Variants in RDX observed in about 807,000 individuals in gnomAD.
The protein encoded by RDX is deafness, autosomal recessive 24.
In RDX, 32 loss-of-function variants were observed where a neutral mutation model predicts 83.7. The ratio of observed to expected loss-of-function variants is 0.38; its 90% CI spans 0.29 to 0.51. RDX has a LOEUF of 0.51. RDX is among the 20% of genes least tolerant of loss of function. RDX has a pLI of 0.87. For synonymous variants in RDX, 229 were observed against 222.7 expected (o/e 1.03, Z -0.25); for missense variants, 600 against 689.9 (o/e 0.87, Z 1.46).
At chr11:110,244,911 A>C (rs1188450786) in intron 10 of RDX, among the ~76,000 whole-genome samples, 1 of 152,096 alleles carries the variant, frequency 6.6e-6, no homozygotes, top group African/African-American at 2.4e-5. Context: ...CACTTCGTAA[A>C]AATTGAGCCT....
chr11:110,211,176 G>A (rs949124019), intron 14 of RDX, among the ~76,000 whole-genome samples: 5 of 152,236 alleles, frequency 3.3e-5, no homozygotes, highest in Middle Eastern at 6.8e-3. Flanking sequence ...AAAAAAGGCA[G>A]GGGTTGCAAT....
chr11:110,207,049 T>C (rs1863632142), intron 14 of RDX, among the ~76,000 whole-genome samples: 1 of 152,188 alleles, frequency 6.6e-6, no homozygotes, highest in African/African-American at 2.4e-5. Context: ...CTCAGCTCAC[T>C]GTAACCTCCA....
chr11:110,264,795 A>C lies in RDX; in HGVS notation c.176T>G (p.Leu59Arg). ...ATATTTTACCTTTTTATTTAGTTTA[A>C]GCCATGTAGAATAACCTTTGCTGTC... is the stretch of plus-strand genomic sequence containing the variant. The part of the protein sequence containing the change: ...YVDSKGYSTW[L>R]KLNKKVTQQD... Residue 59 changes from leucine to arginine, a missense_variant, in exon 4 of 14, where the codon CTT becomes CGT. Physicochemically the swap from Leu to Arg is moderately radical, Grantham distance 102. Coordinates refer to ENST00000645495, the MANE Select transcript of RDX (RefSeq NM_002906.4). 1 of 1,611,036 alleles carries C rather than the reference A, an allele frequency of 6.2e-7. No homozygotes were observed. The highest frequency in any genetic ancestry group is 8.5e-7 in the Non-Finnish European group (1 of 1,177,436).
chr11:110,255,293 GC>G lies in RDX; in HGVS notation c.790del (p.Ala264HisfsTer11). The G allele has an allele frequency of 6.6e-7, 1 of 1,507,238 alleles. No homozygotes were observed. The highest frequency in any genetic ancestry group is 1.4e-5 in the African/African-American group (1 of 72,710). The allele number at this position is 1,507,238 out of a possible 1,614,324, so 93.4% of individuals were successfully genotyped here. On this transcript the variant is annotated frameshift_variant, in exon 8 of 14. Transcript: ENST00000645495. LOFTEE classifies it high-confidence loss of function. ...KFVIKPIDKK[A>X]PDFVFYAPRL... is the part of the protein sequence containing the mutation. ...AATATTAAAGAAATTACTTACAGGT[GC>G]CTTTTTGTCGATTGGCTTTATAACA...
At chr11:110,291,204 A>T (rs1861227974) in intron 1 of RDX, among the ~76,000 whole-genome samples, 1 of 152,112 alleles carries the variant, frequency 6.6e-6, no homozygotes, top group African/African-American at 2.4e-5. Flanking sequence ...GTGCACATGT[A>T]GTCTTAGCTA....
rs565910134 is a variant in RDX, at chr11:110,193,494, T to A, written c.*31+6087A>T. ...ATGCAATAAATTCATGTAACAAACC[T>A]ACACATGTACACCCTACATCTAAAA... On this transcript the variant is annotated intron_variant, in intron 15 of 15. Coordinates refer to the RDX transcript ENST00000528498. 1.0e-4 allele frequency among the ~76,000 whole-genome samples: 15 copies of A among 150,278 alleles called. No homozygotes were observed. The South Asian group carries it at 3.1e-3, about 31-fold the overall frequency.
At chr11:110,201,602 CATG>C in intron 14 of RDX, among the ~76,000 whole-genome samples, 1 of 152,294 alleles carries the variant, frequency 6.6e-6, no homozygotes, top group Admixed American at 6.5e-5. Context: ...ATAAAAATCA[CATG>C]AGCTGGATAT....
chr11:110,196,461 A>T (rs550051170), intron 15 of RDX, among the ~76,000 whole-genome samples: 2 of 152,250 alleles, frequency 1.3e-5, no homozygotes, highest in Non-Finnish European at 2.9e-5. Context: ...GGAGTCTCAC[A>T]TATAGATTTT....
intron 10 of RDX, among the ~76,000 whole-genome samples, chr11:110,241,972 T>C (rs763363906): frequency 8.6e-5 from 13 of 151,984 alleles, no homozygotes; most frequent in African/African-American, 3.1e-4. Flanking sequence ...GGTAGAATAC[T>C]CAAAATCACA....
chr11:110,291,013 A>T (rs1266658206), intron 1 of RDX, among the ~76,000 whole-genome samples: 1 of 152,210 alleles, frequency 6.6e-6, no homozygotes, highest in African/African-American at 2.4e-5. Context: ...GTGGGGGTAA[A>T]AAAAGGACCG....
chr11:110,235,792 G>T (rs1864822296), intron 12 of RDX, among the ~76,000 whole-genome samples: 3 of 152,032 alleles, frequency 2.0e-5, no homozygotes, highest in Admixed American at 2.0e-4. Context: ...TACTTCTTCA[G>T]TCTCTAACTA....
chr11:110,289,980 A>AAAAAAAAAAAAAAAAAAAAAAAAAAAAG (rs1861165761), intron 1 of RDX, among the ~76,000 whole-genome samples: 1 of 139,992 alleles, frequency 7.1e-6, no homozygotes. Flanking sequence ...AAAAAAAAAA[A>AAAAAAAAAAAAAAAAAAAAAAAAAAAAG]AACAAGGGTC....
chr11:110,186,988 G>A (rs56988218), intron 15 of RDX, among the ~76,000 whole-genome samples: 8,847 of 152,228 alleles, frequency 0.058, 851 homozygotes, highest in African/African-American at 0.2. Flanking sequence ...CCCAGCAGTA[G>A]GCACTGGAAC....
chr11:110,262,654 C>A (rs773577042), intron 5 of RDX, among the ~76,000 whole-genome samples: 1 of 151,848 alleles, frequency 6.6e-6, no homozygotes, highest in Non-Finnish European at 1.5e-5. Context: ...ATCAATACTA[C>A]TAAATAACAC....
At chr11:110,180,509 C>G (rs541819499) in intron 15 of RDX, among the ~76,000 whole-genome samples, 137 of 152,286 alleles carry the variant, frequency 9.0e-4, no homozygotes, top group African/African-American at 3.2e-3. Context: ...CCCATTTCCC[C>G]GGGCCACTGT....
intron 1 of RDX, among the ~76,000 whole-genome samples, chr11:110,282,747 C>A (rs928788115): frequency 6.6e-6 from 1 of 152,088 alleles, no homozygotes; most frequent in African/African-American, 2.4e-5. Context: ...GGGAGGCCAA[C>A]GCAGGAGGAT....
chr11:110,295,571 A>C (rs1425529381), intron 1 of RDX, among the ~76,000 whole-genome samples: 5 of 151,314 alleles, frequency 3.3e-5, no homozygotes, highest in Admixed American at 2.0e-4. Context: ...GAAAAAAAAA[A>C]ACCACCAAAT....
At chr11:110,222,793 C>T (rs1159519273) in intron 14 of RDX, among the ~76,000 whole-genome samples, 1 of 151,936 alleles carries the variant, frequency 6.6e-6, no homozygotes, top group African/African-American at 2.4e-5. Flanking sequence ...GAGCCAGACT[C>T]CCAACTCAAA....
chr11:110,291,009 G>A (rs1861218919), intron 1 of RDX, among the ~76,000 whole-genome samples: 2 of 152,216 alleles, frequency 1.3e-5, no homozygotes, highest in Admixed American at 6.5e-5. Context: ...TTGGGTGGGG[G>A]TAAAAAAAGG....
Sources: gnomAD v4.1 joint callset for allele counts (sites outside exome capture counted in the v4.1 genomes callset) on GRCh38, gnomAD v4.1.1 for gene constraint, MANE v1.5 for transcripts, NCBI Gene and HGNC (gene_info 2026-07-23, HGNC 2026-07-21) for gene names.